CELF5: variants seen among roughly 807,000 people sequenced by gnomAD.
CELF5 encodes the protein CUGBP Elav-like family member 5, also known as CUG-BP and ETR-3 like factor 5.
In CELF5, 6 loss-of-function variants were observed where a neutral mutation model predicts 54.9. The observed-to-expected ratio is 0.11, with a 90% CI of 0.06 to 0.22. The LOEUF is 0.22. Among genes scored for constraint, CELF5 ranks in the 10% least tolerant of loss-of-function variants. The probability of loss-of-function intolerance (pLI) is 1.00; values close to 1 mark genes in which losing one functional copy is unlikely to be tolerated. For synonymous variants in CELF5, 271 were observed against 290.9 expected, an observed-to-expected ratio of 0.93 and a Z score of 0.70; for missense variants, 401 against 678.6, an observed-to-expected ratio of 0.59 and a Z score of 4.54.
At chr19:3,290,515 T>C (rs1407600343) in intron 11 of CELF5, 141 bp downstream of exon 11, 2 of 854,128 alleles carry the variant, frequency 2.3e-6, no homozygotes, top group Non-Finnish European at 3.7e-6. Context: ...CCGGGCACAG[T>C]GGATCACGCC....
intron 11 of CELF5, among the ~76,000 whole-genome samples, chr19:3,292,316 T>TG (rs1322193566): frequency 1.3e-5 from 2 of 148,904 alleles, no homozygotes; most frequent in African/African-American, 4.9e-5. Flanking sequence ...TTTTTTTTTT[T>TG]TTTTGAAATG....
chr19:3,283,855 C>T (rs1162433864), intron 8 of CELF5, among the ~76,000 whole-genome samples: 1 of 151,918 alleles, frequency 6.6e-6, no homozygotes, highest in Non-Finnish European at 1.5e-5. Context: ...CAGAGTCTCA[C>T]TCTGTCGCCC....
chr19:3,264,343 A>T (rs1244059442), intron 2 of CELF5, among the ~76,000 whole-genome samples: 1 of 151,474 alleles, frequency 6.6e-6, no homozygotes, highest in Non-Finnish European at 1.5e-5. Flanking sequence ...ACCTAACATA[A>T]ATGGGATAAT....
intron 1 of CELF5, among the ~76,000 whole-genome samples, chr19:3,243,484 G>A (rs776977741): frequency 1.3e-5 from 2 of 152,058 alleles, no homozygotes; most frequent in East Asian, 1.9e-4. Context: ...ATTTGACTAC[G>A]TTGCCTAGGC....
intron 2 of CELF5, among the ~76,000 whole-genome samples, chr19:3,263,721 A>G (rs2079840057): frequency 6.6e-6 from 1 of 152,110 alleles, no homozygotes; most frequent in Non-Finnish European, 1.5e-5. Flanking sequence ...CCTGGCCAAC[A>G]TAGTGAAACC....
intron 1 of CELF5, among the ~76,000 whole-genome samples, chr19:3,246,221 G>A (rs562803084): frequency 7.2e-5 from 11 of 152,060 alleles, no homozygotes; most frequent in African/African-American, 2.2e-4. Flanking sequence ...AAAGTTAGCC[G>A]GGCATGGTGG....
intron 1 of CELF5, among the ~76,000 whole-genome samples, chr19:3,243,868 GTC>G (rs2079525679): frequency 6.6e-6 from 1 of 151,954 alleles, no homozygotes; most frequent in Admixed American, 6.6e-5. Context: ...GCCTGTGCGT[GTC>G]TCTGTGTCTA....
At chr19:3,243,533 C>T (rs543269296) in intron 1 of CELF5, among the ~76,000 whole-genome samples, 3 of 152,264 alleles carry the variant, frequency 2.0e-5, no homozygotes, top group South Asian at 2.1e-4. Flanking sequence ...CCTTCTGCCT[C>T]GGCCTCTGAA....
At chr19:3,255,816 G>A (rs1328232984) in intron 2 of CELF5, among the ~76,000 whole-genome samples, 1 of 152,108 alleles carries the variant, frequency 6.6e-6, no homozygotes, top group Non-Finnish European at 1.5e-5. Flanking sequence ...TGTAATCCCA[G>A]CACTTTGGGA....
intron 1 of CELF5, among the ~76,000 whole-genome samples, chr19:3,227,442 G>A (rs1196485036): frequency 6.6e-6 from 1 of 152,178 alleles, no homozygotes; most frequent in Non-Finnish European, 1.5e-5. Context: ...TAGTGTGCCT[G>A]TTCAGAGTGG....
chr19:3,285,049 C>G (rs2080215514), intron 9 of CELF5, 85 bp downstream of exon 9: 1 of 965,544 alleles, frequency 1.0e-6, no homozygotes, highest in Non-Finnish European at 1.6e-6. Flanking sequence ...CCGGACGTGT[C>G]GTTCTTCTGT....
chr19:3,246,040 G>A (rs4807432), intron 1 of CELF5, among the ~76,000 whole-genome samples: 2 of 152,006 alleles, frequency 1.3e-5, no homozygotes, highest in Non-Finnish European at 2.9e-5. Flanking sequence ...TGCCCAGCAC[G>A]TCCCTCCTGG....
chr19:3,231,447 CGGATGGATGGATGGAT>C (rs111427441), intron 1 of CELF5, among the ~76,000 whole-genome samples: 62 of 144,532 alleles, frequency 4.3e-4, no homozygotes, highest in African/African-American at 1.4e-3. Context: ...GATGGGTGAA[CGGATGGATGGATGGAT>C]GGATGGATGG....
At chr19:3,246,261 G>A (rs545041880) in intron 1 of CELF5, among the ~76,000 whole-genome samples, 8 of 152,192 alleles carry the variant, frequency 5.3e-5, no homozygotes, top group African/African-American at 7.2e-5. Flanking sequence ...CTACTTGGGA[G>A]GCTGAGACAG....
intron 1 of CELF5, among the ~76,000 whole-genome samples, chr19:3,231,241 A>G (rs1395574406): frequency 1.3e-5 from 2 of 152,214 alleles, no homozygotes; most frequent in East Asian, 1.9e-4. Flanking sequence ...TGGATGAACA[A>G]GGGCATGAGG....
intron 12 of CELF5, chr19:3,295,545 AC>A (rs952248449): frequency 2.9e-4 from 16 of 55,518 alleles, no homozygotes; most frequent in African/African-American, 1.0e-3. Flanking sequence ...CCCCACCCCC[AC>A]CCCCACCACC....
chr19:3,250,938 T>A, intron 1 of CELF5, 47 bp from the exon 2 acceptor site: 1 of 1,418,568 alleles, frequency 7.0e-7, no homozygotes, highest in Non-Finnish European at 1.0e-6. Flanking sequence ...GCTGTGACCA[T>A]GGGTGTGCCC....
intron 1 of CELF5, among the ~76,000 whole-genome samples, chr19:3,233,223 G>GGCTA (rs1268844619): frequency 3.3e-5 from 5 of 152,192 alleles, no homozygotes; most frequent in African/African-American, 1.2e-4. Flanking sequence ...GGGAGGTGGA[G>GGCTA]GCTACAGTGA....
At chr19:3,259,164 A>G (rs2145177931) in intron 2 of CELF5, among the ~76,000 whole-genome samples, 1 of 152,278 alleles carries the variant, frequency 6.6e-6, no homozygotes, top group Non-Finnish European at 1.5e-5. Flanking sequence ...CAAGATTTGG[A>G]GGCCAGAACA....
Sources: gnomAD v4.1 joint callset for allele counts (sites outside exome capture counted in the v4.1 genomes callset) on GRCh38, gnomAD v4.1.1 for gene constraint, MANE v1.5 for transcripts, NCBI Gene and HGNC (gene_info 2026-07-23, HGNC 2026-07-21) for gene names.